SAMD4B: variants seen among roughly 807,000 people sequenced by gnomAD.
The protein encoded by SAMD4B is sterile alpha motif domain containing 4B, also known as protein Smaug homolog 2.
Under a neutral mutation model 74.5 loss-of-function variants are expected in SAMD4B, and 5 were observed. That is an observed-to-expected ratio of 0.07 (90% CI 0.04 to 0.14). The LOEUF is 0.14. Ranked by LOEUF, SAMD4B falls within the 10% of genes least tolerant of loss-of-function variation. The pLI is 1.00. For missense variants in SAMD4B, 608 were observed against 921.8 expected, an observed-to-expected ratio of 0.66 and a Z score of 4.41; for synonymous variants, 373 against 374.9, an observed-to-expected ratio of 1.00 and a Z score of 0.06.
At chr19:39,347,733 T>A (rs2075787022) in intron 1 of SAMD4B, among the ~76,000 whole-genome samples, 1 of 152,156 alleles carries the variant, frequency 6.6e-6, no homozygotes, top group Non-Finnish European at 1.5e-5. Context: ...GTTTTGTTTG[T>A]TTTAGTGTAA....
chr19:39,388,740 G>A (rs1296662306), downstream of SAMD4B: 11 of 1,608,968 alleles, frequency 6.8e-6, no homozygotes, highest in Non-Finnish European at 9.4e-6. Flanking sequence ...AGCAGGCCAA[G>A]GTGGACAGCA....
chr19:39,366,146 C>T (rs900611672), intron 3 of SAMD4B, among the ~76,000 whole-genome samples: 1 of 152,110 alleles, frequency 6.6e-6, no homozygotes, highest in Non-Finnish European at 1.5e-5. Context: ...TTAAACGCCC[C>T]CTCCACTAAA....
downstream of SAMD4B, chr19:39,389,159 T>G: frequency 6.2e-7 from 1 of 1,614,152 alleles, no homozygotes; most frequent in African/African-American, 1.3e-5. The surrounding 1 kb of genome is among the most constrained non-coding windows in gnomAD (Gnocchi z 5.3). Context: ...CTTTGTATAT[T>G]TCTTCCTCGG....
chr19:39,377,419 T>C, intron 7 of SAMD4B, 66 bp from the exon 8 acceptor site: 1 of 1,372,990 alleles, frequency 7.3e-7, no homozygotes, highest in Non-Finnish European at 1.0e-6. Context: ...TGACTCTCTG[T>C]GTAGATACTC....
downstream of SAMD4B, chr19:39,390,376 A>G: frequency 8.4e-7 from 1 of 1,189,120 alleles, no homozygotes; most frequent in Non-Finnish European, 1.2e-6. Context: ...TTCAAAAGGT[A>G]GGAGGGGTGA....
chr19:39,346,485 A>G (rs2075711243), intron 1 of SAMD4B, among the ~76,000 whole-genome samples: 1 of 152,206 alleles, frequency 6.6e-6, no homozygotes, highest in African/African-American at 2.4e-5. Flanking sequence ...CTACAGAGTA[A>G]TAATAATAAT....
chr19:39,383,297 C>T lies in SAMD4B; in HGVS notation c.2056+6C>T, dbSNP rs772938955. On this transcript the variant is annotated splice_donor_region_variant and intron_variant, in intron 13 of 13. Transcript: ENST00000610417. This position sits in a 1 kb window ranked among gnomAD's most constrained non-coding sequence, Gnocchi z 4.1. Reference sequence around the variant, plus strand: ...GACAGAACACGCCTTGGGTGGTGAGCATTTCCTCTTTCCCTGACCCAGCTC... The same window carrying T: ...GACAGAACACGCCTTGGGTGGTGAGTATTTCCTCTTTCCCTGACCCAGCTC... 6.2e-7 allele frequency: 1 copy of T among 1,613,622 alleles called. No homozygotes were observed. The highest frequency in any genetic ancestry group is 1.1e-5 in the South Asian group (1 of 91,062).
chr19:39,386,180 CTCA>C (rs756950231), downstream of SAMD4B: 3 of 1,614,034 alleles, frequency 1.9e-6, no homozygotes, highest in East Asian at 2.2e-5. The surrounding 1 kb of genome is among the most constrained non-coding windows in gnomAD (Gnocchi z 6.1). Context: ...GTCCTCTGTC[CTCA>C]TCATCAGAGT....
chr19:39,343,073 C>T (rs1474357289), intron 1 of SAMD4B, among the ~76,000 whole-genome samples: 2 of 151,844 alleles, frequency 1.3e-5, no homozygotes, highest in Admixed American at 6.6e-5. Context: ...GGAGGCCACT[C>T]CTCGTCCATT....
intron 2 of SAMD4B, among the ~76,000 whole-genome samples, 170 bp from the exon 3 acceptor site, chr19:39,356,519 G>C (rs1399207373): frequency 1.3e-5 from 2 of 152,114 alleles, no homozygotes; most frequent in African/African-American, 2.4e-5. Context: ...TGAAGATTTG[G>C]GTGAAAGTAG....
intron 1 of SAMD4B, among the ~76,000 whole-genome samples, chr19:39,353,004 C>T (rs1051989421): frequency 1.3e-5 from 2 of 152,192 alleles, no homozygotes; most frequent in African/African-American, 4.8e-5. Context: ...ATCCAGCCTC[C>T]GCTTGACCAC....
intron 1 of SAMD4B, among the ~76,000 whole-genome samples, chr19:39,347,812 A>G (rs1600511769): frequency 6.6e-6 from 1 of 152,206 alleles, no homozygotes; most frequent in African/African-American, 2.4e-5. Flanking sequence ...CAAGTCTCAA[A>G]TATCTCCAGC....
downstream of SAMD4B, among the ~76,000 whole-genome samples, chr19:39,388,149 A>G (rs1313063169): frequency 6.6e-6 from 1 of 152,180 alleles, no homozygotes; most frequent in African/African-American, 2.4e-5. Context: ...TCAAAAAAAA[A>G]GATTTTTTTT....
chr19:39,348,350 A>T (rs1158998334), intron 1 of SAMD4B: 3 of 152,148 alleles, frequency 2.0e-5, no homozygotes, highest in Non-Finnish European at 4.4e-5. Context: ...GATATCATAG[A>T]CTCCTTCCTA....
chr19:39,347,535 G>C (rs1356335724), intron 1 of SAMD4B, among the ~76,000 whole-genome samples: 1 of 152,136 alleles, frequency 6.6e-6, no homozygotes, highest in Non-Finnish European at 1.5e-5. Context: ...GAGAGCTTGT[G>C]GCTGGTCTGA....
At chr19:39,385,874 A>C, downstream of SAMD4B, 1 of 1,450,314 alleles carries the variant, frequency 6.9e-7, no homozygotes, top group South Asian at 1.3e-5. Flanking sequence ...GACTTTATTA[A>C]CAGCAAAGGT....
At chr19:39,389,437 C>A, downstream of SAMD4B, 1 of 1,611,410 alleles carries the variant, frequency 6.2e-7, no homozygotes, top group Non-Finnish European at 8.5e-7. The surrounding 1 kb of genome is among the most constrained non-coding windows in gnomAD (Gnocchi z 5.3). Flanking sequence ...GCTTGTAGGG[C>A]CCACCTGAGC....
chr19:39,361,104 T>C (rs1296847611), intron 3 of SAMD4B, among the ~76,000 whole-genome samples: 1 of 152,166 alleles, frequency 6.6e-6, no homozygotes, highest in African/African-American at 2.4e-5. Flanking sequence ...CAGGTACTTC[T>C]TGGGCTCTGA....
At chr19:39,381,193 A>G in intron 12 of SAMD4B, 80 bp downstream of exon 12, 1 of 1,489,124 alleles carries the variant, frequency 6.7e-7, no homozygotes, top group Non-Finnish European at 9.0e-7. Flanking sequence ...TCTCATGTCC[A>G]CTGTTCTTCT....
Sources: allele counts gnomAD v4.1 joint callset (sites outside exome capture counted in the v4.1 genomes callset), GRCh38; gene constraint gnomAD v4.1.1; non-coding constraint Gnocchi (gnomAD v3.1); transcripts MANE v1.5; gene names NCBI Gene and HGNC (gene_info 2026-07-23, HGNC 2026-07-21).